NSFL1C: variants seen among roughly 807,000 people sequenced by gnomAD.
NSFL1C encodes NSFL1 cofactor p47.
In NSFL1C, 14 loss-of-function variants were observed where a neutral mutation model predicts 43.1. That is an observed-to-expected ratio of 0.32 (90% CI 0.21 to 0.51). NSFL1C has a LOEUF of 0.51. Among genes scored for constraint, NSFL1C ranks in the 20% least tolerant of loss-of-function variants. NSFL1C has a pLI of 0.98. For missense variants in NSFL1C, 406 were observed against 472.5 expected (o/e 0.86, Z 1.30); for synonymous variants, 171 against 183.5 (o/e 0.93, Z 0.55).
chr20:1,457,353 G>C (rs1003001273), intron 3 of NSFL1C, among the ~76,000 whole-genome samples: 1 of 152,052 alleles, frequency 6.6e-6, no homozygotes, highest in Admixed American at 6.6e-5. Flanking sequence ...GGTGTACAAA[G>C]TGATGTTATG....
chr20:1,445,584 G>A, intron 8 of NSFL1C, 82 bp downstream of exon 8: 7 of 1,497,086 alleles, frequency 4.7e-6, no homozygotes, highest in Non-Finnish European at 6.4e-6. Flanking sequence ...TTAGGAGGAA[G>A]AACGGCTCTC....
chr20:1,451,692 G>C (rs767097788), intron 7 of NSFL1C, among the ~76,000 whole-genome samples: 15 of 152,214 alleles, frequency 9.9e-5, no homozygotes, highest in African/African-American at 3.6e-4. Context: ...TGGATCCTGA[G>C]AGAAGGCAGC....
At chr20:1,455,758 T>C in intron 3 of NSFL1C, 1 of 779,228 alleles carries the variant, frequency 1.3e-6, no homozygotes, top group South Asian at 1.3e-5. Context: ...AGCAGATGTA[T>C]GCAAAAGAAC....
chr20:1,454,853 C>T, intron 4 of NSFL1C, 114 bp downstream of exon 4: 2 of 1,118,358 alleles, frequency 1.8e-6, no homozygotes, highest in South Asian at 3.0e-5. Context: ...CACAGAAGAC[C>T]AAGTAAGCAA....
chr20:1,464,444 T>C lies in NSFL1C; in HGVS notation c.106-18A>G. ...AGCGCGATCTGAAACAGAGAGGTAGTACCTTGGGACCCTTAAACAGGCCTT... is the reference window on the plus strand; with the variant it reads ...AGCGCGATCTGAAACAGAGAGGTAGCACCTTGGGACCCTTAAACAGGCCTT... On this transcript the variant is annotated intron_variant, in intron 1 of 8. Coordinates refer to ENST00000216879, the MANE Select transcript of NSFL1C (RefSeq NM_016143.5). The C allele has an allele frequency of 6.2e-7, 1 of 1,608,862 alleles. No homozygotes were observed. Among genetic ancestry groups the C allele is most frequent in the South Asian group, 1.1e-5 (1 of 90,942 alleles).
intron 2 of NSFL1C, among the ~76,000 whole-genome samples, chr20:1,462,575 G>A (rs910389130): frequency 6.6e-6 from 1 of 151,264 alleles, no homozygotes; most frequent in African/African-American, 2.4e-5. Flanking sequence ...AGGCTGGAGT[G>A]CAGTGGCGCA....
intron 1 of NSFL1C, among the ~76,000 whole-genome samples, chr20:1,466,167 A>G (rs1405290687): frequency 6.6e-6 from 1 of 152,232 alleles, no homozygotes; most frequent in Non-Finnish European, 1.5e-5. Flanking sequence ...AGTACGTGCC[A>G]ATGAACTACA....
chr20:1,464,320 G>A lies in NSFL1C; in HGVS notation c.203+9C>T, dbSNP rs372860451. On this transcript the variant is annotated intron_variant, in intron 2 of 8. Coordinates refer to ENST00000216879, the MANE Select transcript of NSFL1C (RefSeq NM_016143.5). ...CACTCATGTAGCGATAATTGAAGCT[G>A]GCCCTTACCTGGGGGCTGTGCCTCT... The A allele has an allele frequency of 2.9e-5, 46 of 1,611,884 alleles. No homozygotes were observed. In the African/African-American group the frequency reaches 6.0e-4, roughly 21 times the overall value.
Position 1,464,426 on chromosome 20 carries a change from T to C in NSFL1C, c.106A>G (p.Ile36Val). The change falls in exon 2 of 9, where the codon ATC (isoleucine) becomes GTC (valine). Residue 36 changes from isoleucine (I) to valine (V), a missense_variant and splice_region_variant. Around this residue, in one of 3 missense-constraint regions of NSFL1C, gnomAD observed 203 missense variants for 216.3 expected, o/e 0.94. Transcript: ENST00000216879. ...TCCTCATAAAAGCTCGCTAGCGCGA[T>C]CTGAAACAGAGAGGTAGTACCTTGG... ...FLESAGWDLQ[I>V]ALASFYEDGG... The C allele has an allele frequency of 6.2e-7, 1 of 1,614,170 alleles. No homozygotes were observed. The highest frequency in any genetic ancestry group is 8.5e-7 in the Non-Finnish European group (1 of 1,179,974).
At position 1,454,952 on chromosome 20, in the gene NSFL1C, G is replaced by T; in HGVS notation, c.444+15C>A. 2 of 1,608,154 alleles carry T rather than the reference G, an allele frequency of 1.2e-6. No homozygotes were observed. The highest frequency in any genetic ancestry group is 1.1e-5 in the South Asian group (1 of 90,866). On this transcript the variant is annotated intron_variant, in intron 4 of 8. Transcript: ENST00000216879. ...TCTCAGTCCTGTGGGCACAGACAAT[G>T]ACCCTTATACTCACTCTCGGTTTAC...
chr20:1,453,171 G>A, intron 5 of NSFL1C, 31 bp from the exon 6 acceptor site: 1 of 1,272,250 alleles, frequency 7.9e-7, no homozygotes, highest in Non-Finnish European at 1.1e-6. Context: ...CAGTTACCAG[G>A]GATCTGGCAA....
chr20:1,457,433 TGTG>T (rs1157660169), intron 3 of NSFL1C, among the ~76,000 whole-genome samples: 1 of 152,244 alleles, frequency 6.6e-6, no homozygotes, highest in Non-Finnish European at 1.5e-5. Context: ...TCAAAATTTT[TGTG>T]GTGAGAACAC....
intron 1 of NSFL1C, among the ~76,000 whole-genome samples, chr20:1,465,216 G>C (rs2090485211): frequency 6.6e-6 from 1 of 152,218 alleles, no homozygotes; most frequent in African/African-American, 2.4e-5. Flanking sequence ...AAAGCATTGA[G>C]GTCACAGAGA....
At chr20:1,461,101 C>T (rs2090401544) in intron 2 of NSFL1C, among the ~76,000 whole-genome samples, 1 of 152,318 alleles carries the variant, frequency 6.6e-6, no homozygotes, top group Admixed American at 6.5e-5. Flanking sequence ...AGCTGTTGAA[C>T]AGTATCAGAA....
chr20:1,464,175 A>T, intron 2 of NSFL1C, 154 bp downstream of exon 2: 1 of 661,086 alleles, frequency 1.5e-6, no homozygotes, highest in Non-Finnish European at 2.7e-6. Context: ...ATAGGAAATG[A>T]CTGAGGCCTG....
intron 1 of NSFL1C, among the ~76,000 whole-genome samples, chr20:1,466,210 T>C (rs950897228): frequency 1.3e-5 from 2 of 152,300 alleles, no homozygotes; most frequent in African/African-American, 2.4e-5. Context: ...ATTTTACAGA[T>C]AAGTTAACTA....
chr20:1,465,162 A>C (rs545884396), intron 1 of NSFL1C, among the ~76,000 whole-genome samples: 51 of 152,354 alleles, frequency 3.3e-4, no homozygotes, highest in Middle Eastern at 3.4e-3. Context: ...TCACCAACTC[A>C]ACGGACAGGC....
Position 1,457,886 on chromosome 20 carries a change from C to T in NSFL1C, c.278+314G>A, listed in dbSNP as rs78290737. On this transcript the variant is annotated intron_variant, in intron 3 of 8. Coordinates refer to ENST00000216879, the MANE Select transcript of NSFL1C (RefSeq NM_016143.5). ...ACTGTGAAGAGCACCGCAATGAGCA[C>T]GGGAACGTAGACACCTCTTTACAAA... 2.3e-3 allele frequency: 625 copies of T among 272,908 alleles called. 3 individuals are homozygous for T. The highest frequency in any genetic ancestry group is 0.012 in the African/African-American group (549 of 45,676). 16.9% of individuals were successfully genotyped at this position (272,908 alleles called of 1,614,324 possible).
chr20:1,464,979 G>C (rs1050990606), intron 1 of NSFL1C, among the ~76,000 whole-genome samples: 1 of 152,152 alleles, frequency 6.6e-6, no homozygotes, highest in Non-Finnish European at 1.5e-5. Context: ...GTCAGTCCAG[G>C]TTGCTACTTT....
Sources: gnomAD v4.1 joint callset for allele counts (sites outside exome capture counted in the v4.1 genomes callset) on GRCh38, gnomAD v4.1.1 for gene constraint, gnomAD v4.1.1 regional missense constraint, MANE v1.5 for transcripts, NCBI Gene and HGNC (gene_info 2026-07-23, HGNC 2026-07-21) for gene names.